OR51B5: variants seen among roughly 807,000 people sequenced by gnomAD.
OR51B5 encodes olfactory receptor family 51 subfamily B member 5, also known as olfactory receptor 51B5.
For synonymous variants in OR51B5, 186 were observed against 144.8 expected, an observed-to-expected ratio of 1.28 and a Z score of -2.04; for missense variants, 456 against 374.6, an observed-to-expected ratio of 1.22 and a Z score of -1.79.
chr11:5,400,680 G>A (rs1008410165), intron 1 of OR51B5, among the ~76,000 whole-genome samples: 7 of 152,178 alleles, frequency 4.6e-5, no homozygotes, highest in Admixed American at 6.5e-5. Context: ...GGTGACGACT[G>A]TATTTGAATA....
At chr11:5,385,824 A>G (rs1340979562) in intron 1 of OR51B5, among the ~76,000 whole-genome samples, 2 of 148,982 alleles carry the variant, frequency 1.3e-5, no homozygotes, top group Non-Finnish European at 3.0e-5. Context: ...AAGTATATAA[A>G]GAATATATAA....
At position 5,481,724 on chromosome 11, in the gene OR51B5, G is replaced by A. The variant is rs1275431972; in HGVS notation, n.84+23845C>T. On this transcript the variant is annotated intron_variant and non_coding_transcript_variant, in intron 1 of 4. Transcript: ENST00000415970. ...TTCTTATACACCAACAACAGACAGA[G>A]AGCCAAATCATGAGTGAACTCCCAT... 1.9e-5 allele frequency among the ~76,000 whole-genome samples: 2 copies of A among 102,810 alleles called. 1 individual carries two copies. The highest frequency in any genetic ancestry group is 3.8e-5 in the Non-Finnish European group (2 of 52,682). The allele number at this position is 102,810 out of a possible 152,430, so 67.4% of individuals were successfully genotyped here.
chr11:5,381,419 A>G (rs528639981), intron 1 of OR51B5, among the ~76,000 whole-genome samples: 2 of 152,328 alleles, frequency 1.3e-5, no homozygotes, highest in Non-Finnish European at 1.5e-5. Context: ...AGTGATAGAG[A>G]TAGGTCCGAG....
chr11:5,412,669 C>G (rs1850167629), intron 1 of OR51B5, among the ~76,000 whole-genome samples: 1 of 152,196 alleles, frequency 6.6e-6, no homozygotes, highest in Non-Finnish European at 1.5e-5. Context: ...GGTCCTACGC[C>G]GACGGAGTCT....
At chr11:5,439,033 A>G (rs947957985) in intron 1 of OR51B5, among the ~76,000 whole-genome samples, 2 of 152,146 alleles carry the variant, frequency 1.3e-5, no homozygotes, top group Admixed American at 6.6e-5. Context: ...GTGAAGTTCC[A>G]TTGACAAATT....
intron 1 of OR51B5, among the ~76,000 whole-genome samples, chr11:5,399,167 C>A (rs1849928751): frequency 6.6e-6 from 1 of 152,188 alleles, no homozygotes. Context: ...ATCATATTAT[C>A]TTGGGTTACT....
chr11:5,419,695 C>A (rs983518590), intron 1 of OR51B5, among the ~76,000 whole-genome samples: 1 of 152,042 alleles, frequency 6.6e-6, no homozygotes, highest in African/African-American at 2.4e-5. Context: ...CCTCTCACAT[C>A]GAGAAACGAT....
intron 1 of OR51B5, among the ~76,000 whole-genome samples, chr11:5,494,381 C>T (rs868096573): frequency 2.0e-5 from 3 of 152,270 alleles, no homozygotes; most frequent in Admixed American, 6.5e-5. Context: ...CATCACATGA[C>T]GGCCTTTCCC....
intron 1 of OR51B5, among the ~76,000 whole-genome samples, chr11:5,467,211 G>A (rs1374127271): frequency 6.6e-6 from 1 of 151,996 alleles, no homozygotes; most frequent in East Asian, 1.9e-4. Flanking sequence ...CTCCAATTGG[G>A]GGCAAGATTT....
At chr11:5,388,629 T>C (rs555765210) in intron 1 of OR51B5, among the ~76,000 whole-genome samples, 1 of 149,768 alleles carries the variant, frequency 6.7e-6, no homozygotes, top group Non-Finnish European at 1.5e-5. Flanking sequence ...GATAAGAAAA[T>C]AGGATATACA....
At chr11:5,441,284 A>G in intron 1 of OR51B5, 1 of 1,613,930 alleles carries the variant, frequency 6.2e-7, no homozygotes, top group Non-Finnish European at 8.5e-7. Flanking sequence ...GAAGTGTAGA[A>G]AAGGACACTC....
At chr11:5,414,201 G>A (rs1458285265) in intron 1 of OR51B5, among the ~76,000 whole-genome samples, 1 of 151,662 alleles carries the variant, frequency 6.6e-6, no homozygotes, top group African/African-American at 2.4e-5. Flanking sequence ...AAGTGAAGGA[G>A]AAATAAAATA....
At chr11:5,356,627 G>A (rs1215312552) in intron 1 of OR51B5, among the ~76,000 whole-genome samples, 4 of 130,736 alleles carry the variant, frequency 3.1e-5, no homozygotes, top group Admixed American at 1.5e-4. Flanking sequence ...TACAGAGAAC[G>A]CCACAAAGAT....
At chr11:5,464,876 T>G (rs188682773) in intron 1 of OR51B5, among the ~76,000 whole-genome samples, 1,692 of 152,274 alleles carry the variant, frequency 0.011, 18 homozygotes, top group Admixed American at 0.026. Flanking sequence ...ACTTCCACAA[T>G]GGTTGAACTA....
chr11:5,468,693 A>G (rs1261888008), intron 1 of OR51B5: 2 of 456,560 alleles, frequency 4.4e-6, no homozygotes, highest in Middle Eastern at 3.3e-4. Context: ...TGTGACACAC[A>G]TGTGTTGAGT....
chr11:5,356,452 G>C (rs1849196721), intron 1 of OR51B5, among the ~76,000 whole-genome samples: 1 of 149,194 alleles, frequency 6.7e-6, no homozygotes, highest in African/African-American at 2.5e-5. Context: ...AATGAACAAA[G>C]CCTCCAAGAA....
intron 1 of OR51B5, chr11:5,505,299 T>C: frequency 3.1e-6 from 4 of 1,297,630 alleles, no homozygotes; most frequent in Non-Finnish European, 4.1e-6. Flanking sequence ...GGATGGAAAT[T>C]TGGGGTTCAA....
intron 1 of OR51B5, among the ~76,000 whole-genome samples, chr11:5,375,709 AAAG>A (rs1849516007): frequency 6.6e-6 from 1 of 152,122 alleles, no homozygotes; most frequent in African/African-American, 2.4e-5. Context: ...CAAAAGAGAC[AAAG>A]AAGGCCATTA....
exon 1 of OR51B5, chr11:5,342,656 T>G (rs926541684): frequency 1.9e-6 from 3 of 1,613,344 alleles, no homozygotes; most frequent in African/African-American, 2.7e-5. Flanking sequence ...CTTGACACTA[T>G]ATGTTATAGG....
Sources: allele counts gnomAD v4.1 joint callset (sites outside exome capture counted in the v4.1 genomes callset), GRCh38; gene constraint gnomAD v4.1.1; transcripts MANE v1.5; gene names NCBI Gene and HGNC (gene_info 2026-07-23, HGNC 2026-07-21).